Variants in KANK1 observed in about 807,000 individuals in gnomAD.
KANK1 encodes the protein KN motif and ankyrin repeat domain-containing protein 1.
KANK1 carries 109 observed loss-of-function variants against 106.2 expected under a neutral mutation model. The ratio of observed to expected loss-of-function variants is 1.03; its 90% CI spans 0.88 to 1.20. The LOEUF (loss-of-function observed/expected upper bound fraction) is 1.20. Among genes scored for constraint, KANK1 ranks in the 50% most tolerant of loss-of-function variants. KANK1 has a pLI of 0.00. For synonymous variants in KANK1, 873 were observed against 652.2 expected (o/e 1.34, Z -5.16); for missense variants, 2,399 against 1,710.7 (o/e 1.40, Z -7.10).
intron 1 of KANK1, among the ~76,000 whole-genome samples, chr9:637,629 G>C (rs1837459285): frequency 6.6e-6 from 1 of 152,140 alleles, no homozygotes; most frequent in Non-Finnish European, 1.5e-5. Flanking sequence ...GACCACACTT[G>C]AGAACCACTG....
chr9:683,404 T>C (rs1039092919), intron 2 of KANK1, among the ~76,000 whole-genome samples: 2 of 152,238 alleles, frequency 1.3e-5, no homozygotes, highest in African/African-American at 4.8e-5. Context: ...CATAAGCACG[T>C]AGGTAAGAAC....
At chr9:523,140 T>C (rs1374374686) in intron 1 of KANK1, among the ~76,000 whole-genome samples, 5 of 151,582 alleles carry the variant, frequency 3.3e-5, no homozygotes. Flanking sequence ...AGTTCCACTC[T>C]GTAAGGCCCA....
chr9:506,057 A>G (rs1227153330), intron 1 of KANK1, among the ~76,000 whole-genome samples: 1 of 152,170 alleles, frequency 6.6e-6, no homozygotes, highest in African/African-American at 2.4e-5. Context: ...TCTAAGGTCA[A>G]AATTCAGTGG....
At chr9:727,680 A>ATGTGTGTGTGTGTGTGTGTGTG (rs55997819) in intron 3 of KANK1, among the ~76,000 whole-genome samples, 2 of 139,660 alleles carry the variant, frequency 1.4e-5, no homozygotes, top group African/African-American at 5.3e-5. Flanking sequence ...ATAACTTTTC[A>ATGTGTGTGTGTGTGTGTGTGTG]TGTGTGTGTG....
At chr9:521,395 G>C (rs2059542862) in intron 1 of KANK1, among the ~76,000 whole-genome samples, 1 of 151,352 alleles carries the variant, frequency 6.6e-6, no homozygotes, top group Non-Finnish European at 1.5e-5. Context: ...TAAAAAGTAG[G>C]TGCACCAAGC....
chr9:517,107 G>GTTTGTT (rs1264192182), intron 1 of KANK1, among the ~76,000 whole-genome samples: 3 of 151,580 alleles, frequency 2.0e-5, no homozygotes, highest in South Asian at 4.1e-4. Flanking sequence ...AGCTGTTTGT[G>GTTTGTT]TTTGTTTTTG....
chr9:561,906 G>C (rs1427523213), intron 1 of KANK1, among the ~76,000 whole-genome samples: 1 of 152,228 alleles, frequency 6.6e-6, no homozygotes, highest in Non-Finnish European at 1.5e-5. Context: ...GACCAAGGAA[G>C]AGAGGCTCAT....
Position 712,969 on chromosome 9 carries a change from T to C in KANK1, c.2203T>C (p.Ser735Pro). Residue 735 changes from serine to proline, a missense_variant, in exon 3 of 12, where the codon TCC becomes CCC. By Grantham distance (74) the Ser-to-Pro change is moderately conservative. Transcript: ENST00000382297. ...KDINSSTKTR[S>P]IGVGTLLSGH... ...CATCAACTCCTCCACCAAGACGCGG[T>C]CCATTGGTGTTGGAACGTTGCTTTC... is the stretch of plus-strand genomic sequence containing the variant. 6.2e-7 allele frequency: 1 copy of C among 1,613,962 alleles called. No individual in the cohort carries two copies.
At chr9:566,252 G>A (rs1056764327) in intron 1 of KANK1, among the ~76,000 whole-genome samples, 1 of 152,122 alleles carries the variant, frequency 6.6e-6, no homozygotes, top group Non-Finnish European at 1.5e-5. Context: ...TTTATCCACT[G>A]TACCACTGAT....
chr9:483,709 T>C (rs10125427), intron 3 of KANK1, among the ~76,000 whole-genome samples: 16,043 of 152,214 alleles, frequency 0.11, 2,832 homozygotes, highest in African/African-American at 0.36. Flanking sequence ...CCATTGGTTA[T>C]ATGAGAAAAT....
intron 3 of KANK1, chr9:492,364 T>C (rs896829490): frequency 1.3e-5 from 2 of 152,264 alleles, no homozygotes; most frequent in African/African-American, 4.8e-5. Flanking sequence ...TTAGCCATGC[T>C]GTCGGTACTT....
At chr9:559,901 C>G (rs1815933359) in intron 1 of KANK1, among the ~76,000 whole-genome samples, 1 of 152,160 alleles carries the variant, frequency 6.6e-6, no homozygotes, top group Non-Finnish European at 1.5e-5. Flanking sequence ...GCTAGTGCTT[C>G]CCTGTTTCTG....
At chr9:619,780 ATACTT>A (rs1302950102) in intron 1 of KANK1, among the ~76,000 whole-genome samples, 2 of 152,162 alleles carry the variant, frequency 1.3e-5, no homozygotes, top group African/African-American at 4.8e-5. Context: ...TGATTTTTAA[ATACTT>A]TAAACAGGCT....
At chr9:531,375 G>C (rs1436826485) in intron 1 of KANK1, among the ~76,000 whole-genome samples, 1 of 152,102 alleles carries the variant, frequency 6.6e-6, no homozygotes, top group African/African-American at 2.4e-5. Context: ...AGGCTGCAGT[G>C]AGCTGTAATT....
At chr9:582,230 A>G (rs1822348429) in intron 1 of KANK1, among the ~76,000 whole-genome samples, 1 of 151,692 alleles carries the variant, frequency 6.6e-6, no homozygotes, top group Non-Finnish European at 1.5e-5. Flanking sequence ...GGAGGAGGGG[A>G]GTATGGGGGG....
chr9:541,971 C>T (rs533848101), intron 1 of KANK1, among the ~76,000 whole-genome samples: 1 of 144,954 alleles, frequency 6.9e-6, no homozygotes, highest in Non-Finnish European at 1.6e-5. Flanking sequence ...CCCCTGTAGT[C>T]CCAGCTACTC....
chr9:682,830 G>A lies in KANK1; in HGVS notation c.37+5821G>A, dbSNP rs116674950. On this transcript the variant is annotated intron_variant, in intron 2 of 11. Transcript: ENST00000382297. The stretch of plus-strand genomic sequence containing the variant: ...ATGCTGATCTTAAATGAGTACAAAG[G>A]CCACTGATAAGACCGGGTCAGCCAG... Among the ~76,000 whole-genome samples, 823 of 152,288 alleles carry A rather than the reference G, an allele frequency of 5.4e-3. 7 individuals are homozygous for A. Among genetic ancestry groups the A allele is most frequent in the African/African-American group, 0.018 (762 of 41,540 alleles).
At position 573,283 on chromosome 9, in the gene KANK1, T is replaced by TTA. The variant is rs1215010406; in HGVS notation, c.-84+68530_-84+68531insAT. Among the ~76,000 whole-genome samples the TTA allele has an allele frequency of 1.4e-4, 21 of 151,924 alleles. 1 individual carries two copies. Among genetic ancestry groups the TTA allele is most frequent in the South Asian group, 8.3e-4 (4 of 4,818 alleles). On this transcript the variant is annotated intron_variant, in intron 1 of 11. Transcript: ENST00000382297. ...AGGATTTATTATTATTATTATTATT[T>TTA]TTTTGAGACAGAGTCTCGCTCTGTC...
chr9:615,064 C>T (rs112143894), intron 1 of KANK1, among the ~76,000 whole-genome samples: 8,887 of 151,918 alleles, frequency 0.058, 847 homozygotes, highest in African/African-American at 0.2. Context: ...CTCAGCCTTC[C>T]GAGTAGCTGG....
Sources: allele counts gnomAD v4.1 joint callset (sites outside exome capture counted in the v4.1 genomes callset), GRCh38; gene constraint gnomAD v4.1.1; transcripts MANE v1.5; gene names NCBI Gene and HGNC (gene_info 2026-07-23, HGNC 2026-07-21).